TRNAU1AP: variants seen among roughly 807,000 people sequenced by gnomAD.
TRNAU1AP encodes the protein tRNA selenocysteine 1-associated protein 1.
TRNAU1AP carries 33 observed loss-of-function variants against 43.3 expected under a neutral mutation model. The ratio of observed to expected loss-of-function variants is 0.76; its 90% confidence interval spans 0.58 to 1.02. TRNAU1AP has a LOEUF of 1.02. Among genes scored for constraint, TRNAU1AP ranks in the 50% least tolerant of loss-of-function variants. TRNAU1AP has a pLI of 0.00. For synonymous variants in TRNAU1AP, 143 were observed against 129.1 expected (o/e 1.11, Z -0.73); for missense variants, 290 against 362.7 (o/e 0.80, Z 1.63).
At chr1:28,559,151 A>G (rs1021439420) in intron 2 of TRNAU1AP, among the ~76,000 whole-genome samples, 1 of 151,748 alleles carries the variant, frequency 6.6e-6, no homozygotes, top group African/African-American at 2.4e-5. Context: ...GGCTCACTGC[A>G]GCCTCTGCCT....
intron 2 of TRNAU1AP, among the ~76,000 whole-genome samples, chr1:28,557,412 T>C (rs1234261150): frequency 6.7e-6 from 1 of 148,768 alleles, no homozygotes; most frequent in African/African-American, 2.5e-5. Context: ...AAAGTGAGAC[T>C]CTGTCTCAAA....
chr1:28,577,540 G>C lies in TRNAU1AP; in HGVS notation c.768G>C (p.Glu256Asp). ...PQLDVTEANK[E>D]FMEQSEELYD... ...TGGATGTGACTGAGGCCAACAAGGAGTTCATGGAACAGAGTGAGGAGCTGT... is the reference window on the plus strand; with the variant it reads ...TGGATGTGACTGAGGCCAACAAGGACTTCATGGAACAGAGTGAGGAGCTGT... Residue 256 changes from glutamate to aspartate, a missense_variant, in exon 9 of 9, where the codon GAG becomes GAC. This residue lies in a region of TRNAU1AP where 57 missense variants were observed against 55.1 expected (regional missense o/e 1.03). Coordinates refer to ENST00000373830, the MANE Select transcript of TRNAU1AP (RefSeq NM_017846.5). The C allele has an allele frequency of 5.6e-6, 9 of 1,614,102 alleles. No homozygotes were observed. The highest frequency in any genetic ancestry group is 6.8e-6 in the Non-Finnish European group (8 of 1,180,010).
intron 8 of TRNAU1AP, among the ~76,000 whole-genome samples, chr1:28,575,465 G>GTTT (rs1235068576): frequency 7.8e-6 from 1 of 127,464 alleles, no homozygotes; most frequent in Non-Finnish European, 1.7e-5. Flanking sequence ...GTTTTTTTTT[G>GTTT]TTTTTTTTTT....
intron 4 of TRNAU1AP, among the ~76,000 whole-genome samples, chr1:28,563,186 G>T (rs1416976767): frequency 6.6e-6 from 1 of 151,704 alleles, no homozygotes; most frequent in Non-Finnish European, 1.5e-5. Context: ...GAGCCACTGC[G>T]CCTGGCCTTG....
chr1:28,561,888 C>T lies in TRNAU1AP; in HGVS notation c.278+490C>T, dbSNP rs367675470. Among the ~76,000 whole-genome samples, 626 of 152,198 alleles carry T rather than the reference C, an allele frequency of 4.1e-3. 5 individuals carry two copies. The highest frequency in any genetic ancestry group is 0.014 in the African/African-American group (573 of 41,534). ...GAGATCGAGACCATCCTGGCTAACA[C>T]GGTGAAACCCCGTCTCTACTAAAAA... On this transcript the variant is annotated intron_variant, in intron 4 of 8. Transcript: ENST00000373830.
At chr1:28,566,905 A>G (rs1665553728) in intron 5 of TRNAU1AP, among the ~76,000 whole-genome samples, 1 of 152,280 alleles carries the variant, frequency 6.6e-6, no homozygotes, top group Non-Finnish European at 1.5e-5. Context: ...TGACTGCTGC[A>G]TCCTGTGCGT....
intron 8 of TRNAU1AP, 99 bp from the exon 9 acceptor site, chr1:28,577,401 G>C: frequency 1.5e-6 from 2 of 1,361,282 alleles, no homozygotes; most frequent in Non-Finnish European, 2.0e-6. Context: ...GCAGGATAGG[G>C]ACCTTACCAT....
At chr1:28,560,293 T>C (rs1212801869) in intron 2 of TRNAU1AP, among the ~76,000 whole-genome samples, 3 of 151,548 alleles carry the variant, frequency 2.0e-5, no homozygotes, top group Admixed American at 1.3e-4. Flanking sequence ...TTTTTTTTTT[T>C]TTTAAAACAG....
chr1:28,568,458 A>G lies in TRNAU1AP; in HGVS notation c.530+1045A>G, dbSNP rs554447361. 3.9e-5 allele frequency among the ~76,000 whole-genome samples: 6 copies of G among 152,256 alleles called. No homozygotes were observed. In the East Asian group the frequency reaches 1.2e-3, roughly 29 times the overall value. On this transcript the variant is annotated intron_variant, in intron 6 of 8. Coordinates refer to ENST00000373830, the MANE Select transcript of TRNAU1AP (RefSeq NM_017846.5). ...GCTAGGCAAATTTTGTGTTTTTTGT[A>G]GAGATAGGGTCTTGCTTTGTTGCCC...
chr1:28,575,856 C>CTTTTTT (rs34983069), intron 8 of TRNAU1AP, among the ~76,000 whole-genome samples: 1 of 60,736 alleles, frequency 1.6e-5, no homozygotes, highest in African/African-American at 7.3e-5. Flanking sequence ...CTGCGCCTGG[C>CTTTTTT]TTTTTTTTTT....
At chr1:28,560,490 C>A in intron 2 of TRNAU1AP, 143 bp from the exon 3 acceptor site, 1 of 618,640 alleles carries the variant, frequency 1.6e-6, no homozygotes, top group Non-Finnish European at 2.9e-6. Context: ...GCATGTTGTC[C>A]AGGCTGGTCT....
At position 28,571,901 on chromosome 1, in the gene TRNAU1AP, G is replaced by T; in HGVS notation, c.727+1G>T. The T allele has an allele frequency of 6.2e-7, 1 of 1,613,220 alleles. No individual in the cohort carries two copies. The highest frequency in any genetic ancestry group is 1.3e-5 in the African/African-American group (1 of 75,004). ...GAAGTTGGAGATGATGCATTGGAAG[G>T]TAAGGGTTCATACGTTCCTTACTCT... On this transcript the variant is annotated splice_donor_variant, in intron 8 of 8. Transcript: ENST00000373830. LOFTEE classifies it high-confidence loss of function.
At chr1:28,558,436 C>T (rs1665326631) in intron 2 of TRNAU1AP, among the ~76,000 whole-genome samples, 2 of 151,702 alleles carry the variant, frequency 1.3e-5, no homozygotes, top group South Asian at 4.2e-4. Flanking sequence ...CCGTGTCATC[C>T]AGGCTGGAGT....
At chr1:28,570,299 G>A (rs961575904) in intron 6 of TRNAU1AP, among the ~76,000 whole-genome samples, 1 of 151,896 alleles carries the variant, frequency 6.6e-6, no homozygotes, top group Admixed American at 6.6e-5. Context: ...CCAGACTGGA[G>A]TCCAGTGGCA....
Position 28,553,669 on chromosome 1 carries a change from C to T in TRNAU1AP, c.57C>T (p.Ile19=), listed in dbSNP as rs960200552. Reference sequence around the variant, plus strand: ...AACCCTACATGGATGAGAACTTCATCTCCAGAGCCTTTGCCACCATGGGGG... The same window carrying T: ...AACCCTACATGGATGAGAACTTCATTTCCAGAGCCTTTGCCACCATGGGGG... ...DLEPYMDENF[I]SRAFATMGET... is the part of the protein sequence containing the mutation. The change falls in exon 2 of 9, where the codon ATC becomes ATT. Residue 19 remains isoleucine, a synonymous_variant. Transcript: ENST00000373830. 3 of 1,614,062 alleles carry T rather than the reference C, an allele frequency of 1.9e-6. No homozygotes were observed. The African/African-American group carries it at 4.0e-5, about 22-fold the overall frequency.
chr1:28,576,131 T>G (rs1329570056), intron 8 of TRNAU1AP, among the ~76,000 whole-genome samples: 1 of 151,242 alleles, frequency 6.6e-6, no homozygotes, highest in Non-Finnish European at 1.5e-5. Context: ...AGTGCTGGGT[T>G]TACAGGCATG....
intron 6 of TRNAU1AP, among the ~76,000 whole-genome samples, chr1:28,568,056 C>T (rs944969496): frequency 6.6e-6 from 1 of 152,048 alleles, no homozygotes; most frequent in Non-Finnish European, 1.5e-5. Flanking sequence ...CCCAACAACT[C>T]GGGAGGCTGA....
chr1:28,567,540 T>A, intron 6 of TRNAU1AP, 127 bp downstream of exon 6: 1 of 1,124,806 alleles, frequency 8.9e-7, no homozygotes, highest in Non-Finnish European at 1.2e-6. Context: ...AAGTCACAAG[T>A]ACTGAATGCC....
chr1:28,571,113 C>A lies in TRNAU1AP; in HGVS notation c.531-63C>A, dbSNP rs1263196099. On this transcript the variant is annotated intron_variant, in intron 6 of 8. Transcript: ENST00000373830. ...ATAAAGCACTTAAAATAGTCTGTGGCCACATAGGCAGTGTTACGGAAATGT... is the reference window on the plus strand; with the variant it reads ...ATAAAGCACTTAAAATAGTCTGTGGACACATAGGCAGTGTTACGGAAATGT... The A allele has an allele frequency of 8.6e-6, 13 of 1,508,740 alleles. No individual in the cohort carries two copies. The Admixed American group carries it at 1.7e-4, about 20-fold the overall frequency. 93.5% of individuals were successfully genotyped at this position (1,508,740 alleles called of 1,614,324 possible).
Sources: gnomAD v4.1 joint callset for allele counts (sites outside exome capture counted in the v4.1 genomes callset) on GRCh38, gnomAD v4.1.1 for gene constraint, gnomAD v4.1.1 regional missense constraint, MANE v1.5 for transcripts, NCBI Gene and HGNC (gene_info 2026-07-23, HGNC 2026-07-21) for gene names.